Variants in ABTB3 observed in about 807,000 individuals in gnomAD.
ABTB3 encodes the protein ankyrin repeat- and BTB/POZ domain-containing protein 3.
chr12:107,414,481 G>A, the ABTB3 span, among the ~76,000 whole-genome samples: 2 of 151,994 alleles, frequency 1.3e-5, no homozygotes, highest in Non-Finnish European at 2.9e-5. Flanking sequence ...CTCATGATAA[G>A]CACAATCATT....
chr12:107,564,668 G>C, the ABTB3 span, among the ~76,000 whole-genome samples: 2 of 152,210 alleles, frequency 1.3e-5, no homozygotes, highest in African/African-American at 4.8e-5. Context: ...AGCACTGACT[G>C]ATGCGAAATC....
At chr12:107,481,784 T>C in the ABTB3 span, among the ~76,000 whole-genome samples, 1 of 152,208 alleles carries the variant, frequency 6.6e-6, no homozygotes, top group Non-Finnish European at 1.5e-5. Flanking sequence ...TTCTTCACTC[T>C]GTTCTCTCCC....
chr12:107,454,514 G>A, the ABTB3 span, among the ~76,000 whole-genome samples: 57 of 152,346 alleles, frequency 3.7e-4, no homozygotes, highest in Non-Finnish European at 5.9e-4. Context: ...GGGTCCAGAT[G>A]TTCCAGGAGC....
chr12:107,478,249 C>A, the ABTB3 span, among the ~76,000 whole-genome samples: 1 of 152,156 alleles, frequency 6.6e-6, no homozygotes. Flanking sequence ...AACTGGTGTT[C>A]AGTTATGTCA....
At chr12:107,446,060 T>C in the ABTB3 span, among the ~76,000 whole-genome samples, 1 of 152,160 alleles carries the variant, frequency 6.6e-6, no homozygotes, top group African/African-American at 2.4e-5. Context: ...CCCTGTAAGG[T>C]CACACATTCA....
the ABTB3 span, among the ~76,000 whole-genome samples, chr12:107,450,852 G>C: frequency 6.6e-6 from 1 of 152,102 alleles, no homozygotes. Flanking sequence ...GGGTCTCTCT[G>C]GGTCTTTATG....
the ABTB3 span, among the ~76,000 whole-genome samples, chr12:107,564,900 G>C: frequency 6.6e-6 from 1 of 152,228 alleles, no homozygotes; most frequent in Non-Finnish European, 1.5e-5. Context: ...GTTACACTGG[G>C]GCAAGCCCCA....
the ABTB3 span, among the ~76,000 whole-genome samples, chr12:107,620,374 C>T: frequency 6.6e-6 from 1 of 152,208 alleles, no homozygotes; most frequent in Non-Finnish European, 1.5e-5. Context: ...AGCTAAGGCA[C>T]TTGGGCACAT....
chr12:107,444,369 C>G, the ABTB3 span, among the ~76,000 whole-genome samples: 1 of 152,172 alleles, frequency 6.6e-6, no homozygotes, highest in African/African-American at 2.4e-5. Flanking sequence ...GTATGGCAGG[C>G]CTGGCTAGGC....
chr12:107,565,693 C>T, the ABTB3 span, among the ~76,000 whole-genome samples: 2 of 152,304 alleles, frequency 1.3e-5, no homozygotes, highest in East Asian at 1.9e-4. Flanking sequence ...CTCACCCCCT[C>T]GTTGGTAGTT....
At chr12:107,514,197 C>T in the ABTB3 span, among the ~76,000 whole-genome samples, 52 of 152,322 alleles carry the variant, frequency 3.4e-4, no homozygotes, top group East Asian at 1.9e-4. Context: ...CTGGCAGTGC[C>T]GGTATCTTGT....
the ABTB3 span, chr12:107,544,001 C>G: frequency 6.2e-7 from 1 of 1,612,928 alleles, no homozygotes; most frequent in Non-Finnish European, 8.5e-7. Context: ...GGCAATGGCA[C>G]CCCCCTGCAC....
chr12:107,649,327 C>G, the ABTB3 span: 1 of 1,513,626 alleles, frequency 6.6e-7, no homozygotes, highest in Non-Finnish European at 9.2e-7. Flanking sequence ...GTGAGTGGCA[C>G]TTCTGTAAAC....
the ABTB3 span, among the ~76,000 whole-genome samples, chr12:107,549,456 G>A: frequency 6.6e-6 from 1 of 152,166 alleles, no homozygotes; most frequent in Non-Finnish European, 1.5e-5. Flanking sequence ...GCTCTACTCT[G>A]TTCTTTTCCT....
At chr12:107,383,316 T>C in the ABTB3 span, among the ~76,000 whole-genome samples, 1 of 152,200 alleles carries the variant, frequency 6.6e-6, no homozygotes, top group Admixed American at 6.5e-5. Context: ...AGCATTTGCC[T>C]CTGTTGTCTG....
the ABTB3 span, among the ~76,000 whole-genome samples, chr12:107,382,664 A>AC: frequency 1.3e-5 from 2 of 151,944 alleles, no homozygotes; most frequent in African/African-American, 4.8e-5. Flanking sequence ...AAACGAACAG[A>AC]AAACCAAACA....
chr12:107,335,985 G>A, the ABTB3 span, among the ~76,000 whole-genome samples: 189 of 152,280 alleles, frequency 1.2e-3, 5 homozygotes, highest in Non-Finnish European at 1.3e-4. Flanking sequence ...CCCGACAATT[G>A]TTTGCAATTC....
At chr12:107,593,152 G>A in the ABTB3 span, among the ~76,000 whole-genome samples, 1 of 152,198 alleles carries the variant, frequency 6.6e-6, no homozygotes, top group Admixed American at 6.5e-5. Flanking sequence ...GAGCAGGGGT[G>A]AGCAAACTAT....
chr12:107,621,013 C>A, the ABTB3 span, among the ~76,000 whole-genome samples: 1 of 152,078 alleles, frequency 6.6e-6, no homozygotes, highest in African/African-American at 2.4e-5. Context: ...CAGTGTGGGT[C>A]CCCCTGCCGG....
Sources: allele counts gnomAD v4.1 joint callset (sites outside exome capture counted in the v4.1 genomes callset), GRCh38; gene constraint gnomAD v4.1.1; transcripts MANE v1.5; gene names NCBI Gene and HGNC (gene_info 2026-07-23, HGNC 2026-07-21).